Variants in FGF12 observed in about 807,000 individuals in gnomAD.
FGF12 encodes the protein fibroblast growth factor 12.
A neutral mutation model predicts 23.6 loss-of-function variants in FGF12; 14 were observed. The ratio of observed to expected loss-of-function variants is 0.59; its 90% CI spans 0.39 to 0.93. The LOEUF (loss-of-function observed/expected upper bound fraction) is 0.93. Ranked by LOEUF, FGF12 falls within the 40% of genes least tolerant of loss-of-function variation. FGF12 has a pLI of 0.00. For synonymous variants in FGF12, 62 were observed against 77.3 expected (o/e 0.80, Z 1.04); for missense variants, 175 against 217.8 (o/e 0.80, Z 1.24).
chr3:192,685,574 G>C (rs1458951882), intron 2 of FGF12, among the ~76,000 whole-genome samples: 1 of 152,118 alleles, frequency 6.6e-6, no homozygotes, highest in Non-Finnish European at 1.5e-5. Flanking sequence ...GGTATCGTGA[G>C]AGAGTAGTGG....
At chr3:192,194,752 T>C (rs1716974823) in intron 4 of FGF12, among the ~76,000 whole-genome samples, 1 of 152,302 alleles carries the variant, frequency 6.6e-6, no homozygotes, top group Admixed American at 6.5e-5. Context: ...TCACTCTACC[T>C]AACTATAATA....
chr3:192,146,151 G>T (rs763631358), intron 5 of FGF12, among the ~76,000 whole-genome samples: 37 of 151,962 alleles, frequency 2.4e-4, no homozygotes, highest in Admixed American at 7.9e-4. Flanking sequence ...TGCTAAATCA[G>T]AATCTCAATG....
intron 2 of FGF12, among the ~76,000 whole-genome samples, chr3:192,656,208 A>G (rs1716411023): frequency 6.6e-6 from 1 of 151,820 alleles, no homozygotes; most frequent in South Asian, 2.1e-4. Context: ...GATAAAACAC[A>G]CTGTTTCATC....
chr3:192,636,875 T>A (rs1346170093), intron 2 of FGF12, among the ~76,000 whole-genome samples: 1 of 152,142 alleles, frequency 6.6e-6, no homozygotes, highest in Non-Finnish European at 1.5e-5. Context: ...GCCAGGGTAC[T>A]AAGAAAGGCC....
At chr3:192,687,703 C>G (rs1429414384) in intron 2 of FGF12, among the ~76,000 whole-genome samples, 1 of 152,060 alleles carries the variant, frequency 6.6e-6, no homozygotes, top group Non-Finnish European at 1.5e-5. Flanking sequence ...CCCCCCAGCT[C>G]CTGCCTCCAC....
chr3:192,235,890 C>G (rs957227681), intron 4 of FGF12, among the ~76,000 whole-genome samples: 1 of 151,888 alleles, frequency 6.6e-6, no homozygotes, highest in African/African-American at 2.4e-5. Context: ...TATTTCTTTT[C>G]TTCTGCTAGC....
chr3:192,605,098 G>T (rs1334620183), intron 2 of FGF12, among the ~76,000 whole-genome samples: 1 of 152,116 alleles, frequency 6.6e-6, no homozygotes, highest in African/African-American at 2.4e-5. Context: ...CTAGAAGAGG[G>T]TCAGGGGCAG....
intron 4 of FGF12, among the ~76,000 whole-genome samples, chr3:192,297,602 T>C (rs1715115297): frequency 6.6e-6 from 1 of 152,214 alleles, no homozygotes; most frequent in African/African-American, 2.4e-5. Context: ...AGAATTTATA[T>C]AGGCCCTTCA....
chr3:192,297,454 T>C (rs1715106814), intron 4 of FGF12, among the ~76,000 whole-genome samples: 1 of 152,168 alleles, frequency 6.6e-6, no homozygotes, highest in Admixed American at 6.6e-5. Flanking sequence ...AATTCACATA[T>C]CTAAAGAAAA....
intron 4 of FGF12, among the ~76,000 whole-genome samples, chr3:192,297,133 G>T (rs930461599): frequency 2.0e-5 from 3 of 152,036 alleles, no homozygotes; most frequent in African/African-American, 7.2e-5. Context: ...TCAATATATA[G>T]GTATGTCTGC....
chr3:192,711,256 C>A (rs1408992308), intron 2 of FGF12, among the ~76,000 whole-genome samples: 1 of 136,044 alleles, frequency 7.4e-6, no homozygotes, highest in African/African-American at 3.3e-5. Flanking sequence ...CCAGCCCCTG[C>A]CCGGCCAGCC....
chr3:192,350,438 G>A (rs10937543), intron 3 of FGF12, among the ~76,000 whole-genome samples: 39,041 of 152,014 alleles, frequency 0.26, 5,098 homozygotes, highest in Admixed American at 0.31. Context: ...AGTGGTAAGG[G>A]TTCTAAAGAT....
intron 2 of FGF12, among the ~76,000 whole-genome samples, chr3:192,635,633 G>GAA (rs1448697259): frequency 6.6e-6 from 1 of 152,170 alleles, no homozygotes; most frequent in African/African-American, 2.4e-5. Context: ...AGAAACCAGA[G>GAA]AAAACAATCA....
At chr3:192,454,093 C>T (rs531332968) in intron 2 of FGF12, among the ~76,000 whole-genome samples, 167 of 152,042 alleles carry the variant, frequency 1.1e-3, no homozygotes, top group Non-Finnish European at 1.6e-3. Flanking sequence ...GGCTGCAGTG[C>T]AGTGACGCAA....
At position 192,272,274 on chromosome 3, in the gene FGF12, C is replaced by T. The variant is rs1227407638; in HGVS notation, c.228+63087G>A. On this transcript the variant is annotated intron_variant, in intron 4 of 5. Coordinates refer to ENST00000445105, the MANE Select transcript of FGF12 (RefSeq NM_004113.6). Reference sequence around the variant, plus strand: ...TTGCTTTTTTGTGGTAGCTATGCTTCAAGTAAGGCTCATTTCGTTTCAAGC... The same window carrying T: ...TTGCTTTTTTGTGGTAGCTATGCTTTAAGTAAGGCTCATTTCGTTTCAAGC... Among the ~76,000 whole-genome samples, 7 of 152,092 alleles carry T rather than the reference C, an allele frequency of 4.6e-5. No individual in the cohort carries two copies. The East Asian group carries it at 1.2e-3, about 25-fold the overall frequency.
chr3:192,717,950 TC>T (rs1421655111), intron 2 of FGF12, among the ~76,000 whole-genome samples: 1 of 152,194 alleles, frequency 6.6e-6, no homozygotes, highest in Non-Finnish European at 1.5e-5. Context: ...AGAAAATGCT[TC>T]TTCTATCTAA....
At chr3:192,434,758 G>T (rs1721965302) in intron 2 of FGF12, among the ~76,000 whole-genome samples, 1 of 152,038 alleles carries the variant, frequency 6.6e-6, no homozygotes, top group South Asian at 2.1e-4. Flanking sequence ...CTCTGTCGTG[G>T]TTGCAAAGCC....
intron 4 of FGF12, among the ~76,000 whole-genome samples, chr3:192,208,637 G>A (rs1256554507): frequency 2.6e-5 from 4 of 152,138 alleles, no homozygotes; most frequent in Middle Eastern, 3.4e-3. Flanking sequence ...AATATCAACG[G>A]AGTCACTTCC....
At chr3:192,608,277 TGTAAA>T (rs1714420315) in intron 2 of FGF12, among the ~76,000 whole-genome samples, 1 of 152,098 alleles carries the variant, frequency 6.6e-6, no homozygotes, top group East Asian at 1.9e-4. Context: ...TTATTGAACA[TGTAAA>T]AATAACTAAA....
Sources: gnomAD v4.1 joint callset for allele counts (sites outside exome capture counted in the v4.1 genomes callset) on GRCh38, gnomAD v4.1.1 for gene constraint, MANE v1.5 for transcripts, NCBI Gene and HGNC (gene_info 2026-07-23, HGNC 2026-07-21) for gene names.